Variants in MGAT5 observed in about 807,000 individuals in gnomAD.
MGAT5 encodes the protein alpha-1,6-mannosylglycoprotein 6-beta-N-acetylglucosaminyltransferase A.
In MGAT5, 30 loss-of-function variants were observed where a neutral mutation model predicts 94.3. That is an observed-to-expected ratio of 0.32 (90% CI 0.24 to 0.43). MGAT5 has a LOEUF of 0.43. MGAT5 is among the 20% of genes least tolerant of loss of function. The pLI is 1.00. For synonymous variants in MGAT5, 310 were observed against 322.9 expected, an observed-to-expected ratio of 0.96 and a Z score of 0.43; for missense variants, 691 against 905.5, an observed-to-expected ratio of 0.76 and a Z score of 3.04.
intron 1 of MGAT5, among the ~76,000 whole-genome samples, chr2:134,242,913 A>G (rs1191671979): frequency 1.4e-4 from 22 of 152,178 alleles, no homozygotes; most frequent in Non-Finnish European, 4.4e-5. Context: ...TAGACTAGCT[A>G]TTGAAAGTCT....
intron 1 of MGAT5, among the ~76,000 whole-genome samples, chr2:134,126,641 C>T (rs747856057): frequency 1.3e-5 from 2 of 152,194 alleles, no homozygotes; most frequent in Non-Finnish European, 2.9e-5. Flanking sequence ...TTGGTCCTTA[C>T]TTTCAGCCCT....
At chr2:134,370,239 G>A (rs976222985) in intron 10 of MGAT5, among the ~76,000 whole-genome samples, 2 of 152,190 alleles carry the variant, frequency 1.3e-5, no homozygotes, top group Non-Finnish European at 2.9e-5. Context: ...ATTAAAGAAT[G>A]TACTGAAACC....
At chr2:134,259,273 C>T (rs1683172096) in intron 1 of MGAT5, among the ~76,000 whole-genome samples, 1 of 152,212 alleles carries the variant, frequency 6.6e-6, no homozygotes, top group Non-Finnish European at 1.5e-5. Flanking sequence ...AGGGGCCATG[C>T]CTGCCAGTGA....
chr2:134,180,920 G>C (rs1688704779), intron 1 of MGAT5, among the ~76,000 whole-genome samples: 1 of 152,194 alleles, frequency 6.6e-6, no homozygotes, highest in Admixed American at 6.5e-5. Flanking sequence ...AAAACAAAGG[G>C]AAGATAATTT....
chr2:134,318,508 G>A lies in MGAT5; in HGVS notation c.484-142G>A, dbSNP rs78525979. Reference sequence around the variant, plus strand: ...CTGCACACCTGGCTATCTTGACCTCGGCTCAGTGACCCTGTCACTCAGTTC... The same window carrying A: ...CTGCACACCTGGCTATCTTGACCTCAGCTCAGTGACCCTGTCACTCAGTTC... On this transcript the variant is annotated intron_variant, in intron 3 of 15. Coordinates refer to ENST00000281923, the MANE Select transcript of MGAT5 (RefSeq NM_002410.5). 3,472 of 653,686 alleles carry A rather than the reference G, an allele frequency of 5.3e-3. 44 individuals are homozygous for A. Among genetic ancestry groups the A allele is most frequent in the East Asian group, 0.03 (1,109 of 37,072 alleles). 40.5% of individuals were successfully genotyped at this position (653,686 alleles called of 1,614,324 possible).
At chr2:134,253,863 T>A (rs1298195930), upstream of MGAT5, among the ~76,000 whole-genome samples, 1 of 152,216 alleles carries the variant, frequency 6.6e-6, no homozygotes, top group African/African-American at 2.4e-5. Context: ...CAGAAGCACA[T>A]AATAATGACT....
chr2:134,281,230 A>G (rs1684674058), intron 2 of MGAT5, among the ~76,000 whole-genome samples: 1 of 152,202 alleles, frequency 6.6e-6, no homozygotes, highest in South Asian at 2.1e-4. Context: ...TGACCTACCT[A>G]CTGACCTTGC....
intron 2 of MGAT5, among the ~76,000 whole-genome samples, chr2:134,291,886 CT>C (rs1685387488): frequency 6.6e-6 from 1 of 152,178 alleles, no homozygotes; most frequent in Non-Finnish European, 1.5e-5. Flanking sequence ...AGGTATAGTG[CT>C]TCGTCTCTCC....
At chr2:134,280,824 A>G (rs888290648) in intron 2 of MGAT5, among the ~76,000 whole-genome samples, 3 of 152,230 alleles carry the variant, frequency 2.0e-5, no homozygotes, top group Non-Finnish European at 4.4e-5. Context: ...ACAAAATAAG[A>G]GCTCCGTAAG....
In MGAT5 at chr2:134,378,279, T is replaced by C. The variant is rs75389901; in HGVS notation, c.1380+15871T>C. ...TAGAAGTGGGGAGGTGGAGACCGTA[T>C]TGGGGAGCAGAATGTGTGAGCTCAG... On this transcript the variant is annotated intron_variant, in intron 10 of 15. Coordinates refer to ENST00000281923, the MANE Select transcript of MGAT5 (RefSeq NM_002410.5). Among the ~76,000 whole-genome samples, 379 of 152,220 alleles carry C rather than the reference T, an allele frequency of 2.5e-3. 2 individuals are homozygous for C. Among genetic ancestry groups the C allele is most frequent in the East Asian group, 0.018 (91 of 5,182 alleles).
intron 1 of MGAT5, among the ~76,000 whole-genome samples, chr2:134,149,045 G>T (rs1337046866): frequency 6.6e-6 from 1 of 152,086 alleles, no homozygotes. Context: ...GATTACAGCC[G>T]TGAGCCACCG....
intron 1 of MGAT5, among the ~76,000 whole-genome samples, chr2:134,229,082 C>T (rs1204170311): frequency 6.6e-6 from 1 of 152,148 alleles, no homozygotes; most frequent in Non-Finnish European, 1.5e-5. Context: ...TTAAGCTTTT[C>T]CTGTTCAAAT....
At position 134,278,129 on chromosome 2, in the gene MGAT5, T is replaced by A. The variant is rs75420694; in HGVS notation, c.406+7579T>A. 8.8e-3 allele frequency among the ~76,000 whole-genome samples: 1,346 copies of A among 152,340 alleles called. 19 individuals carry two copies. The highest frequency in any genetic ancestry group is 0.031 in the African/African-American group (1,286 of 41,564). Reference sequence around the variant, plus strand: ...CTGTCAGAAGCCATTTCTTTTGGTATGTTTACCGAAAATTCTTCTCATTGT... The same window carrying A: ...CTGTCAGAAGCCATTTCTTTTGGTAAGTTTACCGAAAATTCTTCTCATTGT... On this transcript the variant is annotated intron_variant, in intron 2 of 15. Coordinates refer to ENST00000281923, the MANE Select transcript of MGAT5 (RefSeq NM_002410.5).
chr2:134,266,078 T>C (rs1683692876), intron 1 of MGAT5, among the ~76,000 whole-genome samples: 1 of 144,978 alleles, frequency 6.9e-6, no homozygotes. Flanking sequence ...GCAGGAGAAC[T>C]GCTTGAACCC....
intron 1 of MGAT5, among the ~76,000 whole-genome samples, chr2:134,201,681 G>A (rs959870672): frequency 5.9e-5 from 9 of 152,166 alleles, no homozygotes; most frequent in Admixed American, 4.6e-4. Context: ...TTATTGTCAA[G>A]TGAGGTAACA....
intron 6 of MGAT5, among the ~76,000 whole-genome samples, chr2:134,339,795 T>G (rs142365161): frequency 1.3e-5 from 2 of 152,302 alleles, no homozygotes; most frequent in East Asian, 3.9e-4. Flanking sequence ...TATATATCCA[T>G]CCAGTTTTGA....
intron 1 of MGAT5, among the ~76,000 whole-genome samples, chr2:134,221,509 A>G (rs1680768510): frequency 6.6e-6 from 1 of 152,130 alleles, no homozygotes; most frequent in South Asian, 2.1e-4. Context: ...TGCTTATCTG[A>G]CCTAAAAGGA....
At chr2:134,272,462 G>A (rs775651786) in intron 2 of MGAT5, among the ~76,000 whole-genome samples, 2 of 151,806 alleles carry the variant, frequency 1.3e-5, no homozygotes, top group Non-Finnish European at 2.9e-5. Context: ...TCTCGGGTAT[G>A]TGTGGGACAC....
chr2:134,381,177 G>GCTATACCCA (rs1681518516), intron 10 of MGAT5, among the ~76,000 whole-genome samples: 1 of 152,098 alleles, frequency 6.6e-6, no homozygotes, highest in Non-Finnish European at 1.5e-5. Flanking sequence ...AGCTGGGTAT[G>GCTATACCCA]GTGGTGTGTT....
Sources: allele counts gnomAD v4.1 joint callset (sites outside exome capture counted in the v4.1 genomes callset), GRCh38; gene constraint gnomAD v4.1.1; transcripts MANE v1.5; gene names NCBI Gene and HGNC (gene_info 2026-07-23, HGNC 2026-07-21).